Variants in SGMS2 observed in about 807,000 individuals in gnomAD.
SGMS2 encodes sphingomyelin synthase 2, also known as phosphatidylcholine:ceramide cholinephosphotransferase 2.
A neutral mutation model predicts 43.8 loss-of-function variants in SGMS2; 21 were observed. The ratio of observed to expected loss-of-function variants is 0.48; its 90% CI spans 0.34 to 0.69. The LOEUF is 0.69. Ranked by LOEUF, SGMS2 falls within the 30% of genes least tolerant of loss-of-function variation. The pLI, the probability that SGMS2 is intolerant of heterozygous loss-of-function variation, is 0.01. For synonymous variants in SGMS2, 167 were observed against 160.6 expected (o/e 1.04, Z -0.30); for missense variants, 384 against 443.2 (o/e 0.87, Z 1.20).
chr4:107,839,268 A>G (rs772891934), intron 1 of SGMS2, among the ~76,000 whole-genome samples: 5 of 152,054 alleles, frequency 3.3e-5, no homozygotes, highest in Non-Finnish European at 7.4e-5. Flanking sequence ...TTTGGGTTCT[A>G]TTTGCCTGGT....
At chr4:107,866,700 A>G (rs1320100499) in intron 2 of SGMS2, among the ~76,000 whole-genome samples, 1 of 152,156 alleles carries the variant, frequency 6.6e-6, no homozygotes, top group Non-Finnish European at 1.5e-5. Flanking sequence ...TTATCAATAA[A>G]TTACCTTACC....
Position 107,895,572 on chromosome 4 carries a change from G to C in SGMS2, c.19G>C (p.Ala7Pro), listed in dbSNP as rs769608601. MDIIET[A>P]KLEEHLENQP... ...GGGGACAATGGATATCATAGAGACAGCAAAACTTGAAGAACATTTGGAAAA... is the reference window on the plus strand; with the variant it reads ...GGGGACAATGGATATCATAGAGACACCAAAACTTGAAGAACATTTGGAAAA... The change falls in exon 3 of 7, where the codon GCA becomes CCA. Residue 7 changes from alanine to proline, a missense_variant. By Grantham distance (27) the Ala-to-Pro change is conservative. Coordinates refer to ENST00000690982, the MANE Select transcript of SGMS2 (RefSeq NM_001375905.1). The C allele has an allele frequency of 6.2e-6, 10 of 1,613,434 alleles. No individual in the cohort carries two copies. In the Admixed American group the frequency reaches 1.7e-4, roughly 27 times the overall value.
At chr4:107,856,044 C>T (rs1469901776) in intron 1 of SGMS2, among the ~76,000 whole-genome samples, 8 of 152,078 alleles carry the variant, frequency 5.3e-5, no homozygotes, top group Middle Eastern at 3.2e-3. Context: ...GATTTGCTAC[C>T]GGGAGCAGGT....
At chr4:107,855,928 A>C (rs1219659731) in intron 1 of SGMS2, among the ~76,000 whole-genome samples, 1 of 152,196 alleles carries the variant, frequency 6.6e-6, no homozygotes, top group Non-Finnish European at 1.5e-5. Context: ...AGGGAAATTA[A>C]GTATCATGCC....
intron 2 of SGMS2, among the ~76,000 whole-genome samples, chr4:107,872,400 C>T (rs1728614784): frequency 6.6e-6 from 1 of 152,120 alleles, no homozygotes; most frequent in Non-Finnish European, 1.5e-5. Flanking sequence ...TTATTATTGT[C>T]TTACATTAGC....
chr4:107,826,877 C>G (rs1021519163), intron 1 of SGMS2, among the ~76,000 whole-genome samples: 2 of 152,164 alleles, frequency 1.3e-5, no homozygotes, highest in African/African-American at 4.8e-5. Flanking sequence ...CTTACCATAA[C>G]TATAACAACT....
chr4:107,835,453 G>C (rs1393919755), intron 1 of SGMS2, among the ~76,000 whole-genome samples: 2 of 152,124 alleles, frequency 1.3e-5, no homozygotes, highest in African/African-American at 4.8e-5. Context: ...GTGCACGTTT[G>C]AATAAAAACT....
chr4:107,906,509 G>A (rs1731591097), intron 5 of SGMS2, among the ~76,000 whole-genome samples: 1 of 152,140 alleles, frequency 6.6e-6, no homozygotes, highest in South Asian at 2.1e-4. Context: ...ATGAGCCCTA[G>A]GGCTAGAATT....
At chr4:107,838,048 T>C (rs927700495) in intron 1 of SGMS2, among the ~76,000 whole-genome samples, 11 of 152,010 alleles carry the variant, frequency 7.2e-5, no homozygotes, top group African/African-American at 2.4e-4. Flanking sequence ...AGAAGTGATA[T>C]ATAAAGTTAT....
intron 1 of SGMS2, among the ~76,000 whole-genome samples, chr4:107,847,006 G>T (rs1726867070): frequency 6.6e-6 from 1 of 152,070 alleles, no homozygotes; most frequent in Non-Finnish European, 1.5e-5. Flanking sequence ...GTAGATTCTG[G>T]ATATTAGCCC....
In SGMS2 at chr4:107,902,098, T is replaced by C. The variant is rs528966668; in HGVS notation, c.574-1135T>C. The stretch of plus-strand genomic sequence containing the variant: ...ATTTTGTTTTTTCCTTTTTTTTTTT[T>C]AGTAGAGACAGGGTTTCTCCATATT... On this transcript the variant is annotated intron_variant, in intron 4 of 6. Coordinates refer to ENST00000690982, the MANE Select transcript of SGMS2 (RefSeq NM_001375905.1). Among the ~76,000 whole-genome samples the C allele has an allele frequency of 3.3e-5, 5 of 151,572 alleles. No individual in the cohort carries two copies. The East Asian group carries it at 9.7e-4, about 29-fold the overall frequency.
In SGMS2 at chr4:107,912,677, A is replaced by T. The variant is rs1393866078; in HGVS notation, c.*2124A>T. Reference sequence around the variant, plus strand: ...ACTTTTCATCTATTGAATAAGAAAAAGTGTTTAAACTTAATAAAATAAAAA... The same window carrying T: ...ACTTTTCATCTATTGAATAAGAAAATGTGTTTAAACTTAATAAAATAAAAA... On this transcript the variant is annotated 3_prime_UTR_variant, in exon 7 of 7. Transcript: ENST00000690982. The T allele has an allele frequency of 6.6e-6, 1 of 152,152 alleles. No individual in the cohort carries two copies. The highest frequency in any genetic ancestry group is 1.5e-5 in the Non-Finnish European group (1 of 68,042). The allele number at this position is 152,152 out of a possible 1,614,324, so 9.4% of individuals were successfully genotyped here. A position where few individuals can be genotyped will look rare whatever the true frequency, so the allele number is the denominator to read the frequency against.
At chr4:107,903,084 G>A (rs1578657888) in intron 4 of SGMS2, 149 bp from the exon 5 acceptor site, 2 of 708,912 alleles carry the variant, frequency 2.8e-6, no homozygotes, top group South Asian at 3.5e-5. Context: ...CCAGTTTGAG[G>A]AGCTTCTCCT....
chr4:107,855,875 C>G (rs1244315839), intron 1 of SGMS2, among the ~76,000 whole-genome samples: 3 of 151,968 alleles, frequency 2.0e-5, no homozygotes, highest in Non-Finnish European at 4.4e-5. Flanking sequence ...TTTTAAGGAC[C>G]TTGTTAAGTT....
intron 1 of SGMS2, among the ~76,000 whole-genome samples, chr4:107,830,339 A>G (rs1295932836): frequency 6.6e-6 from 1 of 152,172 alleles, no homozygotes; most frequent in African/African-American, 2.4e-5. Context: ...TGCGATGAAC[A>G]TACATGTGCA....
Position 107,895,766 on chromosome 4 carries a change from A to G in SGMS2, c.213A>G (p.Lys71=). 6.2e-7 allele frequency: 1 copy of G among 1,613,944 alleles called. No homozygotes were observed. The highest frequency in any genetic ancestry group is 1.1e-5 in the South Asian group (1 of 91,080). The change falls in exon 3 of 7, where the codon AAA becomes AAG. Residue 71 remains lysine (K), a synonymous_variant. Coordinates refer to ENST00000690982, the MANE Select transcript of SGMS2 (RefSeq NM_001375905.1). ...QIAMPTESRN[K]FPLEWWKTGI... ...CTATGCCCACTGAATCAAGGAACAA[A>G]TTTCCACTAGAGTGGTGGAAAACGG...
chr4:107,850,256 G>C (rs1727062901), intron 1 of SGMS2, among the ~76,000 whole-genome samples: 1 of 152,182 alleles, frequency 6.6e-6, no homozygotes, highest in African/African-American at 2.4e-5. Flanking sequence ...TATAAAGCCT[G>C]CAGAACTTCA....
intron 1 of SGMS2, among the ~76,000 whole-genome samples, chr4:107,837,771 GGGTGGT>G (rs1298121061): frequency 6.6e-6 from 1 of 152,180 alleles, no homozygotes; most frequent in African/African-American, 2.4e-5. Flanking sequence ...GCTTGGAGAA[GGGTGGT>G]GGTGGTGGAG....
intron 3 of SGMS2, 65 bp from the exon 4 acceptor site, chr4:107,899,510 A>AT: frequency 9.4e-7 from 1 of 1,069,128 alleles, no homozygotes; most frequent in Admixed American, 2.0e-5. Context: ...ACATTGTTTT[A>AT]TTTTTCATTA....
Sources: allele counts gnomAD v4.1 joint callset (sites outside exome capture counted in the v4.1 genomes callset), GRCh38; gene constraint gnomAD v4.1.1; transcripts MANE v1.5; gene names NCBI Gene and HGNC (gene_info 2026-07-23, HGNC 2026-07-21).